VCF1: variants seen among roughly 807,000 people sequenced by gnomAD.
The protein encoded by VCF1 is protein VCF1.
At chr17:73,212,911 A>T in the VCF1 span, among the ~76,000 whole-genome samples, 2 of 151,614 alleles carry the variant, frequency 1.3e-5, no homozygotes, top group African/African-American at 2.4e-5. Flanking sequence ...TTTATTTTTT[A>T]TTTTTTTTAG....
At chr17:73,208,868 G>T in the VCF1 span, 1 of 302,584 alleles carries the variant, frequency 3.3e-6, no homozygotes, top group South Asian at 3.1e-5. Context: ...GAAGTTATCT[G>T]GGTATACAAG....
chr17:73,229,167 C>A, the VCF1 span: 1 of 985,320 alleles, frequency 1.0e-6, no homozygotes, highest in African/African-American at 1.7e-5. Context: ...TCTCAAGGCA[C>A]CAGAATAATC....
chr17:73,225,885 ATATATATATATATATTTTTTTTT>A, the VCF1 span, among the ~76,000 whole-genome samples: 6 of 68,914 alleles, frequency 8.7e-5, no homozygotes, highest in Admixed American at 3.3e-4. Context: ...TATATATAAT[ATATATATATATATATTTTTTTTT>A]TTTTTTTTTC....
the VCF1 span, among the ~76,000 whole-genome samples, chr17:73,215,417 G>C: frequency 6.6e-6 from 1 of 152,128 alleles, no homozygotes; most frequent in Non-Finnish European, 1.5e-5. Context: ...TGAGCAGCTG[G>C]GACTACAGGC....
chr17:73,228,112 G>A, the VCF1 span, among the ~76,000 whole-genome samples: 1 of 152,218 alleles, frequency 6.6e-6, no homozygotes, highest in African/African-American at 2.4e-5. Context: ...CCTGTTTCTA[G>A]TGCTCAGTGG....
chr17:73,213,815 C>G, the VCF1 span, among the ~76,000 whole-genome samples: 2 of 152,072 alleles, frequency 1.3e-5, no homozygotes, highest in Non-Finnish European at 2.9e-5. Context: ...ACTAAAAATA[C>G]AAAAAGTAGC....
the VCF1 span, chr17:73,207,674 T>A: frequency 7.7e-7 from 1 of 1,294,696 alleles, no homozygotes; most frequent in Non-Finnish European, 1.0e-6. Flanking sequence ...AGTTTGACAT[T>A]TTCTTGTTAA....
chr17:73,232,073 C>A, the VCF1 span: 2 of 1,590,608 alleles, frequency 1.3e-6, no homozygotes, highest in East Asian at 2.3e-5. Flanking sequence ...AAAGGGGGTC[C>A]CTTCCCTCTC....
chr17:73,224,799 T>C, the VCF1 span, among the ~76,000 whole-genome samples: 2 of 151,826 alleles, frequency 1.3e-5, no homozygotes, highest in East Asian at 3.9e-4. Context: ...TACTTGTTAA[T>C]ACCACTGCCA....
the VCF1 span, chr17:73,229,616 A>T: frequency 1.0e-6 from 1 of 982,810 alleles, no homozygotes; most frequent in Non-Finnish European, 1.2e-6. Context: ...CTGTAATCCC[A>T]GCACTTTGGG....
the VCF1 span, among the ~76,000 whole-genome samples, chr17:73,222,959 T>C: frequency 6.6e-6 from 1 of 152,122 alleles, no homozygotes; most frequent in African/African-American, 2.4e-5. Flanking sequence ...CTAGCTGTGT[T>C]CTTTGGACAA....
the VCF1 span, chr17:73,209,493 C>T: frequency 6.4e-7 from 1 of 1,558,740 alleles, no homozygotes; most frequent in South Asian, 1.2e-5. Flanking sequence ...CTGCACAGCG[C>T]TGTCCCTTCA....
the VCF1 span, chr17:73,232,349 G>C: frequency 6.6e-7 from 1 of 1,516,004 alleles, no homozygotes; most frequent in East Asian, 2.4e-5. Flanking sequence ...CTGCGCAGTG[G>C]CACCATCCCA....
At chr17:73,231,584 G>A in the VCF1 span, among the ~76,000 whole-genome samples, 11 of 152,324 alleles carry the variant, frequency 7.2e-5, no homozygotes, top group East Asian at 2.1e-3. Flanking sequence ...GCCCTTCTGT[G>A]TTCACAACCG....
At chr17:73,207,407 A>G in the VCF1 span, 1 of 797,534 alleles carries the variant, frequency 1.3e-6, no homozygotes, top group Non-Finnish European at 2.1e-6. Context: ...AGAGAAGTAC[A>G]AGGTTTTACT....
chr17:73,216,024 A>G, the VCF1 span, among the ~76,000 whole-genome samples: 8 of 152,178 alleles, frequency 5.3e-5, no homozygotes, highest in Non-Finnish European at 1.0e-4. Flanking sequence ...TGGCTAGATT[A>G]TCAAGAGCCA....
the VCF1 span, chr17:73,212,684 G>A: frequency 1.3e-6 from 2 of 1,596,332 alleles, no homozygotes. Context: ...CCACCGCGCA[G>A]AACGCTTTGT....
chr17:73,232,348 G>GGCACCATCCCAACC, the VCF1 span: 1 of 1,518,176 alleles, frequency 6.6e-7, no homozygotes, highest in Non-Finnish European at 8.8e-7. Flanking sequence ...GCTGCGCAGT[G>GGCACCATCCCAACC]GCACCATCCC....
At chr17:73,229,992 GA>G in the VCF1 span, among the ~76,000 whole-genome samples, 8 of 150,958 alleles carry the variant, frequency 5.3e-5, no homozygotes. Flanking sequence ...AGAGATAAAG[GA>G]TCTGTTAAAG....
Sources: gnomAD v4.1 joint callset for allele counts (sites outside exome capture counted in the v4.1 genomes callset) on GRCh38, gnomAD v4.1.1 for gene constraint, MANE v1.5 for transcripts, NCBI Gene and HGNC (gene_info 2026-07-23, HGNC 2026-07-21) for gene names.